The following GJC1 variants were observed in gnomAD, a reference collection of about 807,000 sequenced individuals.
GJC1 encodes the protein gap junction protein gamma 1.
Under a neutral mutation model 29.3 loss-of-function variants are expected in GJC1, and 5 were observed. The observed-to-expected ratio is 0.17, with a 90% CI of 0.09 to 0.36. The LOEUF is 0.36. Among genes scored for constraint, GJC1 ranks in the 10% least tolerant of loss-of-function variants. The pLI, the probability that GJC1 is intolerant of heterozygous loss-of-function variation, is 1.00. For missense variants in GJC1, 310 were observed against 496.2 expected, an observed-to-expected ratio of 0.62 and a Z score of 3.56; for synonymous variants, 177 against 183.3, an observed-to-expected ratio of 0.97 and a Z score of 0.28.
chr17:44,817,754 C>T (rs2050059853), intron 1 of GJC1, among the ~76,000 whole-genome samples: 1 of 151,724 alleles, frequency 6.6e-6, no homozygotes, highest in African/African-American at 2.4e-5. Flanking sequence ...TGCCTAAAAT[C>T]ATCTACTTAT....
upstream of GJC1, chr17:44,830,580 C>A: frequency 2.5e-6 from 1 of 398,590 alleles, no homozygotes. This position sits in a 1 kb window ranked among gnomAD's most constrained non-coding sequence, Gnocchi z 4.3. Context: ...GAGAGTCCCC[C>A]GCCAGCCGCG....
chr17:44,817,625 G>A (rs530895628), intron 1 of GJC1, among the ~76,000 whole-genome samples: 2 of 151,958 alleles, frequency 1.3e-5, no homozygotes, highest in South Asian at 2.1e-4. Flanking sequence ...CAGGAGAATC[G>A]CTTGAACTCA....
At chr17:44,808,971 G>C (rs1597744919) in intron 1 of GJC1, among the ~76,000 whole-genome samples, 1 of 152,304 alleles carries the variant, frequency 6.6e-6, no homozygotes, top group East Asian at 1.9e-4. Flanking sequence ...CTATTTGGGA[G>C]GCTGAGGCAG....
intron 1 of GJC1, among the ~76,000 whole-genome samples, chr17:44,809,510 A>G (rs1462898614): frequency 6.6e-6 from 1 of 152,226 alleles, no homozygotes; most frequent in African/African-American, 2.4e-5. Context: ...AAATTATGAA[A>G]ATACAATTAG....
chr17:44,804,975 C>A lies in GJC1; in HGVS notation c.843G>T (p.Trp281Cys). The A allele has an allele frequency of 6.2e-7, 1 of 1,614,024 alleles. No individual in the cohort carries two copies. The highest frequency in any genetic ancestry group is 1.1e-5 in the South Asian group (1 of 91,076). Reference sequence around the variant, plus strand: ...AGCCAGGGGGAGCAGATGGTGTATTCCAAGTGAAAGGATAATTATAAGCAC... The same window carrying A: ...AGCCAGGGGGAGCAGATGGTGTATTACAAGTGAAAGGATAATTATAAGCAC... ...DPGAYNYPFT[W>C]NTPSAPPGYN... The change falls in exon 3 of 3, where the codon TGG becomes TGT. Residue 281 changes from tryptophan (W) to cysteine (C), a missense_variant. By Grantham distance (215) the Trp-to-Cys change is radical. Around this residue, in one of 4 missense-constraint regions of GJC1, gnomAD observed 146 missense variants for 165.0 expected, o/e 0.88. Coordinates refer to ENST00000592524, the MANE Select transcript of GJC1 (RefSeq NM_005497.4).
At chr17:44,816,922 A>C (rs1461991849) in intron 1 of GJC1, among the ~76,000 whole-genome samples, 1 of 152,014 alleles carries the variant, frequency 6.6e-6, no homozygotes, top group Non-Finnish European at 1.5e-5. Context: ...AAAATTTATA[A>C]TTTGCCTGCC....
At chr17:44,797,341 C>T (rs946663886), downstream of GJC1, among the ~76,000 whole-genome samples, 16 of 152,284 alleles carry the variant, frequency 1.1e-4, no homozygotes, top group African/African-American at 2.4e-5. Flanking sequence ...CTCCTGACTT[C>T]GTGATCCGCC....
chr17:44,820,674 A>G (rs1299048290), intron 1 of GJC1, among the ~76,000 whole-genome samples: 2 of 152,216 alleles, frequency 1.3e-5, no homozygotes, highest in African/African-American at 2.4e-5. Context: ...GGTATTAACA[A>G]TCTAGGCATC....
At chr17:44,818,266 A>G (rs191650905) in intron 1 of GJC1, among the ~76,000 whole-genome samples, 85 of 152,278 alleles carry the variant, frequency 5.6e-4, no homozygotes, top group African/African-American at 1.9e-3. Flanking sequence ...AAGAAAATAC[A>G]TTTCAGAGTT....
intron 1 of GJC1, among the ~76,000 whole-genome samples, chr17:44,808,375 G>C (rs2049934952): frequency 6.6e-6 from 1 of 151,770 alleles, no homozygotes; most frequent in South Asian, 2.1e-4. Flanking sequence ...AGGTGTGGTG[G>C]CAGTGGTGGC....
At chr17:44,827,108 G>T (rs553622092) in intron 1 of GJC1, among the ~76,000 whole-genome samples, 53 of 152,254 alleles carry the variant, frequency 3.5e-4, no homozygotes, top group Non-Finnish European at 7.5e-4. Flanking sequence ...TCAAGAGTTG[G>T]AGACCAGCCT....
At chr17:44,806,401 G>GTTTTTTTTTTTTTTTTTTTTTTTT (rs35152035) in intron 2 of GJC1, among the ~76,000 whole-genome samples, 1 of 122,138 alleles carries the variant, frequency 8.2e-6, no homozygotes, top group African/African-American at 3.0e-5. Flanking sequence ...TCTTCTGTTT[G>GTTTTTTTTTTTTTTTTTTTTTTTT]TTTTTTTTTT....
intron 1 of GJC1, among the ~76,000 whole-genome samples, chr17:44,828,096 T>C (rs911071594): frequency 7.9e-5 from 12 of 152,160 alleles, no homozygotes; most frequent in Non-Finnish European, 1.2e-4. Flanking sequence ...TGGGGGGAAG[T>C]GGACTAATCA....
intron 1 of GJC1, chr17:44,829,753 C>T (rs761155321): frequency 6.6e-6 from 1 of 152,026 alleles, no homozygotes; most frequent in Non-Finnish European, 1.5e-5. Context: ...CCGACCGTCG[C>T]CCGACACCTC....
downstream of GJC1, chr17:44,795,013 C>CA (rs2049775236): frequency 6.6e-6 from 1 of 152,168 alleles, no homozygotes; most frequent in Non-Finnish European, 1.5e-5. Context: ...AGTCAATTGA[C>CA]AAAGAATGCT....
In GJC1 at chr17:44,821,697, CAAAAAAAAAA is replaced by C. The variant is rs61303163; in HGVS notation, c.-97+8355_-97+8364del. Among the ~76,000 whole-genome samples, 35 of 58,354 alleles carry C rather than the reference CAAAAAAAAAA, an allele frequency of 6.0e-4. 1 individual carries two copies. Among genetic ancestry groups the C allele is most frequent in the African/African-American group, 2.0e-3 (26 of 12,866 alleles). 38.3% of individuals were successfully genotyped at this position (58,354 alleles called of 152,430 possible). On this transcript the variant is annotated intron_variant, in intron 1 of 2. Transcript: ENST00000592524. Reference sequence around the variant, plus strand: ...GGGCAACAAGAGGGAAACTCCGTCTCAAAAAAAAAAAAAAAAAAAAAAAAAAAACAACAAA... The same window carrying C: ...GGGCAACAAGAGGGAAACTCCGTCTCAAAAAAAAAAAAAAAAAACAACAAA...
chr17:44,825,309 C>T (rs1038948066), intron 1 of GJC1, among the ~76,000 whole-genome samples: 1 of 147,956 alleles, frequency 6.8e-6, no homozygotes, highest in Non-Finnish European at 1.5e-5. Context: ...GCCTGACCAA[C>T]ATGGAGAAAC....
Position 44,826,665 on chromosome 17 carries a change from C to T in GJC1, c.-97+3397G>A, listed in dbSNP as rs2050180464. 2.6e-5 allele frequency among the ~76,000 whole-genome samples: 4 copies of T among 152,232 alleles called. No individual in the cohort carries two copies. In the South Asian group the frequency reaches 8.3e-4, roughly 32 times the overall value. On this transcript the variant is annotated intron_variant, in intron 1 of 2. Coordinates refer to ENST00000592524, the MANE Select transcript of GJC1 (RefSeq NM_005497.4). ...GCCAAGGACTGCTCTCAGCCAACTACAGTACTTGTAAAATTCAAGAATGTA... is the reference window on the plus strand; with the variant it reads ...GCCAAGGACTGCTCTCAGCCAACTATAGTACTTGTAAAATTCAAGAATGTA...
chr17:44,810,974 GC>G (rs1282026921), intron 1 of GJC1, among the ~76,000 whole-genome samples: 1 of 152,046 alleles, frequency 6.6e-6, no homozygotes, highest in African/African-American at 2.4e-5. Context: ...TCGTCATATT[GC>G]CCAGGCTGGT....
Sources: gnomAD v4.1 joint callset for allele counts (sites outside exome capture counted in the v4.1 genomes callset) on GRCh38, gnomAD v4.1.1 for gene constraint, gnomAD v4.1.1 regional missense constraint, Gnocchi (gnomAD v3.1) non-coding constraint, MANE v1.5 for transcripts, NCBI Gene and HGNC (gene_info 2026-07-23, HGNC 2026-07-21) for gene names.